Variants in SLC2A7 observed in about 807,000 individuals in gnomAD.
SLC2A7 encodes solute carrier family 2 member 7, also known as solute carrier family 2, facilitated glucose transporter member 7.
Under a neutral mutation model 50.5 loss-of-function variants are expected in SLC2A7, and 50 were observed. That is an observed-to-expected ratio of 0.99 (90% CI 0.79 to 1.25). The LOEUF is 1.25. Ranked by LOEUF, SLC2A7 falls within the 50% of genes most tolerant of loss-of-function variation. The probability of loss-of-function intolerance (pLI) is 0.00; values close to 1 mark genes in which losing one functional copy is unlikely to be tolerated. For synonymous variants in SLC2A7, 308 were observed against 300.4 expected (o/e 1.03, Z -0.26); for missense variants, 683 against 679.1 (o/e 1.01, Z -0.06).
chr1:9,026,393 C>G lies in SLC2A7; in HGVS notation c.-48G>C, dbSNP rs977311525. ...GTGTGCTCTACCTCCCAAGTGACAC[C>G]TGCTCTGCGCCAGCCACCTAAAGAC... On this transcript the variant is annotated 5_prime_UTR_variant, in exon 1 of 12. Transcript: ENST00000400906. The G allele has an allele frequency of 7.1e-6, 11 of 1,539,506 alleles. No individual in the cohort carries two copies. In the African/African-American group the frequency reaches 8.2e-5, roughly 11 times the overall value.
At chr1:9,013,780 G>C in intron 7 of SLC2A7, 145 bp from the exon 8 acceptor site, 1 of 642,074 alleles carries the variant, frequency 1.6e-6, no homozygotes, top group South Asian at 2.2e-5. Flanking sequence ...GGGAAAAAGA[G>C]GCCTGACCTG....
At position 9,014,769 on chromosome 1, in the gene SLC2A7, A is replaced by G; in HGVS notation, c.815T>C (p.Leu272Pro). The G allele has an allele frequency of 1.3e-6, 2 of 1,596,500 alleles. No homozygotes were observed. The highest frequency in any genetic ancestry group is 1.7e-6 in the Non-Finnish European group (2 of 1,172,312). The change falls in exon 7 of 12, where the codon CTG (leucine) becomes CCG (proline). Residue 272 changes from leucine (L) to proline (P), a missense_variant. Leu to Pro is a moderately conservative substitution (Grantham distance 98). Coordinates refer to ENST00000400906, the MANE Select transcript of SLC2A7 (RefSeq NM_207420.3). ...AERAEGHLSVLHLCALRSLRW... is the reference protein window; with the variant it reads ...AERAEGHLSVPHLCALRSLRW... ...CAGGGACCGCAGGGCACAGAGGTGC[A>G]GCACAGACAGGTGGCCCTCGGCGCG...
In SLC2A7 at chr1:9,007,386, C is replaced by T. The variant is rs760290934; in HGVS notation, c.1117-1G>A. On this transcript the variant is annotated splice_acceptor_variant, in intron 9 of 11. Coordinates refer to ENST00000400906, the MANE Select transcript of SLC2A7 (RefSeq NM_207420.3). LOFTEE classifies it high-confidence loss of function. ...GGTAGGACAGCTCGGGGACCCTGTT[C>T]TGTGGGGAGAGGCAGGGCTGTCTGG... The T allele has an allele frequency of 3.7e-6, 6 of 1,614,084 alleles. No individual in the cohort carries two copies. Among genetic ancestry groups the T allele is most frequent in the Non-Finnish European group, 5.1e-6 (6 of 1,179,970 alleles).
At chr1:9,013,689 T>C in intron 7 of SLC2A7, 54 bp from the exon 8 acceptor site, 2 of 1,495,880 alleles carry the variant, frequency 1.3e-6, no homozygotes, top group Non-Finnish European at 1.8e-6. Flanking sequence ...GGACGCTGGC[T>C]TAACTTTCTC....
chr1:9,024,863 G>A (rs1640970990), intron 2 of SLC2A7, 113 bp downstream of exon 2: 2 of 1,183,220 alleles, frequency 1.7e-6, no homozygotes, highest in Non-Finnish European at 2.4e-6. Flanking sequence ...AAGGCAAGAT[G>A]GTGCCTCCTA....
At position 9,004,803 on chromosome 1, in the gene SLC2A7, T is replaced by C. The variant is rs1640629038; in HGVS notation, c.1269A>G (p.Ala423=). The C allele has an allele frequency of 1.2e-6, 2 of 1,614,130 alleles. No homozygotes were observed. Among genetic ancestry groups the C allele is most frequent in the African/African-American group, 1.3e-5 (1 of 75,058 alleles). ...SRRAAFMVDG[A]VHWLTNFIIG... Reference sequence around the variant, plus strand: ...TGATGAAGTTGGTGAGCCAGTGCACTGCCCCGTCCACCATGAAAGCTGCCC... The same window carrying C: ...TGATGAAGTTGGTGAGCCAGTGCACCGCCCCGTCCACCATGAAAGCTGCCC... The change falls in exon 11 of 12, where the codon GCA becomes GCG. Residue 423 remains alanine, a synonymous_variant. Transcript: ENST00000400906.
intron 4 of SLC2A7, among the ~76,000 whole-genome samples, chr1:9,018,909 C>T (rs1640870989): frequency 6.6e-6 from 1 of 152,148 alleles, no homozygotes; most frequent in African/African-American, 2.4e-5. Context: ...TGGCCAGGTA[C>T]AGTGGCTCAT....
At chr1:9,003,660 C>A in intron 11 of SLC2A7, 142 bp from the exon 12 acceptor site, 1 of 650,080 alleles carries the variant, frequency 1.5e-6, no homozygotes. Flanking sequence ...GAGTTTGAGA[C>A]CAACCTGGCC....
At chr1:9,010,486 TA>T (rs1331053483) in intron 8 of SLC2A7, among the ~76,000 whole-genome samples, 1 of 152,182 alleles carries the variant, frequency 6.6e-6, no homozygotes, top group Non-Finnish European at 1.5e-5. Context: ...AGCTCCCAAG[TA>T]GCTGGGATTA....
In SLC2A7 at chr1:9,003,425, T is replaced by C; in HGVS notation, c.1414A>G (p.Lys472Glu). 1 of 1,614,258 alleles carries C rather than the reference T, an allele frequency of 6.2e-7. No homozygotes were observed. The highest frequency in any genetic ancestry group is 1.1e-5 in the South Asian group (1 of 91,088). The part of the protein sequence containing the change: ...IYVVIPETKG[K>E]TFVEINRIFA... ...ATGCGGTTTATCTCCACAAATGTTT[T>C]GCCCTTGGTCTCCGGAATAACCACG... Residue 472 changes from lysine to glutamate, a missense_variant, in exon 12 of 12, where the codon AAA (lysine) becomes GAA (glutamate). Transcript: ENST00000400906.
At chr1:8,998,829 T>C (rs1640540456), downstream of SLC2A7, among the ~76,000 whole-genome samples, 1 of 152,210 alleles carries the variant, frequency 6.6e-6, no homozygotes, top group African/African-American at 2.4e-5. Context: ...TAATATATTA[T>C]TGGAGTCTGC....
intron 10 of SLC2A7, among the ~76,000 whole-genome samples, 177 bp from the exon 11 acceptor site, chr1:9,005,056 C>G (rs573863036): frequency 6.6e-6 from 1 of 152,324 alleles, no homozygotes; most frequent in African/African-American, 2.4e-5. Flanking sequence ...AGAGCAGGAG[C>G]TGCAAAGATC....
chr1:9,018,458 C>A, intron 4 of SLC2A7, 83 bp from the exon 5 acceptor site: 2 of 1,549,314 alleles, frequency 1.3e-6, no homozygotes, highest in East Asian at 2.4e-5. Context: ...TTCCTAATCC[C>A]GGGGCTTCTC....
intron 8 of SLC2A7, among the ~76,000 whole-genome samples, chr1:9,011,098 T>C (rs1640742569): frequency 6.6e-6 from 1 of 152,184 alleles, no homozygotes; most frequent in African/African-American, 2.4e-5. Context: ...CCTGAGGAAA[T>C]TATTCACACC....
chr1:9,022,947 G>A lies in SLC2A7; in HGVS notation c.282C>T (p.Leu94=), dbSNP rs780688342. The stretch of plus-strand genomic sequence containing the variant: ...CGCAGCTATCAACCAGCAGGCCCAC[G>A]AGCAATGACCCCAACAGGCCGCCCA... The part of the protein sequence containing the change: ...FPLGGLLGSL[L]VGLLVDSCGR... Residue 94 remains leucine (L), a synonymous_variant, in exon 3 of 12, where the codon CTC becomes CTT. Transcript: ENST00000400906. 14 of 1,613,896 alleles carry A rather than the reference G, an allele frequency of 8.7e-6. No individual in the cohort carries two copies. The Admixed American group carries it at 1.5e-4, about 17-fold the overall frequency.
chr1:9,015,026 AC>A, intron 6 of SLC2A7, 90 bp downstream of exon 6: 1 of 1,563,286 alleles, frequency 6.4e-7, no homozygotes. Context: ...CTCACCCCTG[AC>A]CCATGGCGAC....
At chr1:9,009,280 A>T (rs900941084) in intron 9 of SLC2A7, among the ~76,000 whole-genome samples, 2 of 152,216 alleles carry the variant, frequency 1.3e-5, no homozygotes, top group African/African-American at 4.8e-5. Flanking sequence ...TGCCTCGGAG[A>T]CACAGAATGC....
chr1:9,026,367 G>A lies in SLC2A7; in HGVS notation c.-22C>T. 6.3e-7 allele frequency: 1 copy of A among 1,592,160 alleles called. No homozygotes were observed. The highest frequency in any genetic ancestry group is 8.6e-7 in the Non-Finnish European group (1 of 1,167,894). ...CCATCCTTGTTCAGGTGGGAGAACA[G>A]GTGTGCTCTACCTCCCAAGTGACAC... On this transcript the variant is annotated 5_prime_UTR_variant, in exon 1 of 12. Transcript: ENST00000400906.
At chr1:8,993,658 C>T in the SLC2A7 span, among the ~76,000 whole-genome samples, 7 of 152,206 alleles carry the variant, frequency 4.6e-5, no homozygotes, top group Admixed American at 1.3e-4. Flanking sequence ...TACAGAGTCT[C>T]GCTCTGTCGC....
Sources: allele counts gnomAD v4.1 joint callset (sites outside exome capture counted in the v4.1 genomes callset), GRCh38; gene constraint gnomAD v4.1.1; transcripts MANE v1.5; gene names NCBI Gene and HGNC (gene_info 2026-07-23, HGNC 2026-07-21).